Variants in LARGE1 observed in about 807,000 individuals in gnomAD.
LARGE1 encodes the protein LARGE xylosyl- and glucuronyltransferase 1.
In LARGE1, 43 loss-of-function variants were observed where a neutral mutation model predicts 87.6. The ratio of observed to expected loss-of-function variants is 0.49; its 90% CI spans 0.38 to 0.63. The LOEUF is 0.63. Ranked by LOEUF, LARGE1 falls within the 30% of genes least tolerant of loss-of-function variation. The pLI is 0.00. For synonymous variants in LARGE1, 434 were observed against 394.6 expected (o/e 1.10, Z -1.18); for missense variants, 802 against 1,000.2 (o/e 0.80, Z 2.67).
In LARGE1 at chr22:33,565,982, C is replaced by T. The variant is rs573623914; in HGVS notation, c.616-963G>A. Among the ~76,000 whole-genome samples the T allele has an allele frequency of 3.3e-5, 5 of 152,206 alleles. No homozygotes were observed. In the East Asian group the frequency reaches 9.7e-4, roughly 29 times the overall value. On this transcript the variant is annotated intron_variant, in intron 5 of 14. Coordinates refer to ENST00000397394, the MANE Select transcript of LARGE1 (RefSeq NM_133642.5). ...TGCCATGGGGAGTTTCCATGGGAGC[C>T]AAAGCACACTTATTTTCAAGAGGGT...
chr22:33,389,763 T>C (rs756471207), intron 7 of LARGE1, among the ~76,000 whole-genome samples: 12 of 152,096 alleles, frequency 7.9e-5, no homozygotes, highest in Admixed American at 2.0e-4. Context: ...GAGAATCACT[T>C]GAACCTGGGA....
intron 7 of LARGE1, among the ~76,000 whole-genome samples, chr22:33,391,777 T>C (rs1185687653): frequency 1.3e-5 from 2 of 148,712 alleles, no homozygotes; most frequent in East Asian, 3.9e-4. Context: ...TTTTTTTTTT[T>C]TTTTTTTTTT....
intron 1 of LARGE1, 113 bp from the exon 2 acceptor site, chr22:33,761,671 C>T: frequency 1.6e-6 from 1 of 615,694 alleles, no homozygotes; most frequent in Non-Finnish European, 2.9e-6. Flanking sequence ...ATCTAGGCTT[C>T]CTGCTAACCT....
intron 7 of LARGE1, among the ~76,000 whole-genome samples, chr22:33,399,756 G>C (rs1002103646): frequency 7.9e-5 from 12 of 152,076 alleles, no homozygotes; most frequent in African/African-American, 2.9e-4. Context: ...CATCATGTTA[G>C]CCAGGATGGT....
chr22:33,690,481 T>C (rs1298416970), intron 2 of LARGE1, among the ~76,000 whole-genome samples: 1 of 152,070 alleles, frequency 6.6e-6, no homozygotes, highest in Non-Finnish European at 1.5e-5. Context: ...GGAAGAAGCC[T>C]GACCTGAGTT....
rs181139950 is a variant in LARGE1 at position 33,384,360 on chromosome 22, T to C, written c.893-56A>G. The C allele has an allele frequency of 7.8e-4, 760 of 973,336 alleles. 3 individuals carry two copies. The East Asian group carries it at 9.9e-3, about 13-fold the overall frequency. 60.3% of individuals were successfully genotyped at this position (973,336 alleles called of 1,614,324 possible). A position where few individuals can be genotyped will look rare whatever the true frequency, so the allele number is the denominator to read the frequency against. On this transcript the variant is annotated intron_variant, in intron 7 of 14. Transcript: ENST00000397394. ...TTAAAAAATAAAAAAGATGGAGAGC[T>C]AGGCACACCTACTCACATCACAGCC...
intron 6 of LARGE1, among the ~76,000 whole-genome samples, chr22:33,447,234 G>A (rs530336952): frequency 1.2e-4 from 19 of 152,304 alleles, no homozygotes; most frequent in African/African-American, 3.1e-4. Flanking sequence ...GCCACTATGT[G>A]GAGTAGGATC....
At chr22:33,699,912 T>C (rs2082356853) in intron 2 of LARGE1, among the ~76,000 whole-genome samples, 1 of 152,196 alleles carries the variant, frequency 6.6e-6, no homozygotes, top group Non-Finnish European at 1.5e-5. Context: ...TCTCTATTGG[T>C]TCATCCATTG....
intron 6 of LARGE1, among the ~76,000 whole-genome samples, chr22:33,520,161 C>A (rs1182237897): frequency 6.6e-6 from 1 of 151,902 alleles, no homozygotes; most frequent in Admixed American, 6.6e-5. Context: ...TGTGCTGCCA[C>A]GCCTGGCTAA....
At chr22:33,584,226 C>G (rs527852466) in intron 5 of LARGE1, among the ~76,000 whole-genome samples, 1 of 152,124 alleles carries the variant, frequency 6.6e-6, no homozygotes, top group Non-Finnish European at 1.5e-5. Context: ...CTTTGGGCAA[C>G]GAAAGCCTGT....
chr22:33,387,416 G>C (rs2065364009), intron 7 of LARGE1, among the ~76,000 whole-genome samples: 1 of 107,964 alleles, frequency 9.3e-6, no homozygotes, highest in African/African-American at 3.9e-5. Flanking sequence ...AACAGAGTGA[G>C]ACTCTGTCTC....
At chr22:33,403,518 G>C (rs574573596) in intron 7 of LARGE1, among the ~76,000 whole-genome samples, 3 of 152,274 alleles carry the variant, frequency 2.0e-5, no homozygotes, top group Admixed American at 2.0e-4. Flanking sequence ...GTTCTGCAGT[G>C]TTGTAAACAC....
At chr22:33,434,590 C>T (rs775966430) in intron 6 of LARGE1, among the ~76,000 whole-genome samples, 5 of 152,160 alleles carry the variant, frequency 3.3e-5, no homozygotes, top group African/African-American at 1.2e-4. Context: ...TGAGCCACTG[C>T]GCCCAGCCTG....
chr22:33,583,463 C>A lies in LARGE1; in HGVS notation c.616-18444G>T, dbSNP rs2078579967. Among the ~76,000 whole-genome samples, 3 of 152,156 alleles carry A rather than the reference C, an allele frequency of 2.0e-5. No homozygotes were observed. The South Asian group carries it at 6.2e-4, about 32-fold the overall frequency. ...TCCATATTGTCACTAGGTCACTGGA[C>A]TTGAAAACCTTAAGGTCAGGGTTTT... On this transcript the variant is annotated intron_variant, in intron 5 of 14. Coordinates refer to ENST00000397394, the MANE Select transcript of LARGE1 (RefSeq NM_133642.5).
At chr22:33,701,908 G>A (rs1373537510) in intron 2 of LARGE1, among the ~76,000 whole-genome samples, 1 of 152,228 alleles carries the variant, frequency 6.6e-6, no homozygotes, top group Non-Finnish European at 1.5e-5. Flanking sequence ...ATTCTTAGGG[G>A]ATATTTGAGT....
At chr22:33,376,050 A>G (rs1369777836) in intron 9 of LARGE1, among the ~76,000 whole-genome samples, 4 of 152,262 alleles carry the variant, frequency 2.6e-5, no homozygotes. Flanking sequence ...CCGTAGGAAG[A>G]AAAAGTTATG....
At position 33,643,595 on chromosome 22, in the gene LARGE1, A is replaced by T. The variant is rs1338650753; in HGVS notation, c.408+6772T>A. Among the ~76,000 whole-genome samples the T allele has an allele frequency of 3.3e-5, 5 of 152,116 alleles. No homozygotes were observed. In the East Asian group the frequency reaches 9.6e-4, roughly 29 times the overall value. ...GATGAAGGAGATAGAGACACAAAAAACCCTTCAAAAAAATCAGTGAATCCA... is the reference window on the plus strand; with the variant it reads ...GATGAAGGAGATAGAGACACAAAAATCCCTTCAAAAAAATCAGTGAATCCA... On this transcript the variant is annotated intron_variant, in intron 3 of 14. Coordinates refer to ENST00000397394, the MANE Select transcript of LARGE1 (RefSeq NM_133642.5).
intron 5 of LARGE1, among the ~76,000 whole-genome samples, chr22:33,600,772 G>A (rs1225825773): frequency 6.6e-6 from 1 of 152,122 alleles, no homozygotes. Context: ...CTCAGCCGGG[G>A]GCAGTGGCTC....
intron 1 of LARGE1, among the ~76,000 whole-genome samples, chr22:33,887,483 T>C (rs929620312): frequency 1.3e-5 from 2 of 152,164 alleles, no homozygotes; most frequent in South Asian, 2.1e-4. Flanking sequence ...ACAGCTGTAA[T>C]CCTAGCACTT....
Sources: allele counts gnomAD v4.1 joint callset (sites outside exome capture counted in the v4.1 genomes callset), GRCh38; gene constraint gnomAD v4.1.1; transcripts MANE v1.5; gene names NCBI Gene and HGNC (gene_info 2026-07-23, HGNC 2026-07-21).